GUCY2F: variants seen among roughly 807,000 people sequenced by gnomAD.
The protein encoded by GUCY2F is retinal guanylyl cyclase 2.
Under a neutral mutation model 73.1 loss-of-function variants are expected in GUCY2F, and 61 were observed. The observed-to-expected ratio is 0.83, with a 90% CI of 0.68 to 1.03. The LOEUF (loss-of-function observed/expected upper bound fraction) is 1.03, where lower values mean the gene tolerates loss of function less well. Ranked by LOEUF, GUCY2F falls within the 50% of genes least tolerant of loss-of-function variation. GUCY2F has a pLI of 0.00. For missense variants in GUCY2F, 912 were observed against 854.3 expected (o/e 1.07, Z -0.84); for synonymous variants, 331 against 307.8 (o/e 1.08, Z -0.79).
chrX:109,393,330 G>A (rs1000820481), intron 12 of GUCY2F, among the ~76,000 whole-genome samples: 2 of 98,611 alleles, frequency 2.0e-5, no homozygotes, highest in Non-Finnish European at 2.0e-5. Flanking sequence ...GTTCTGAGCC[G>A]GCTCCTTCAG....
intron 17 of GUCY2F, among the ~76,000 whole-genome samples, chrX:109,377,506 G>A (rs1234260485): frequency 8.9e-6 from 1 of 111,867 alleles, no homozygotes; most frequent in Admixed American, 9.5e-5. Context: ...AACACATGAA[G>A]CCCAACTCCT....
chrX:109,430,329 CTTGAT>C lies in GUCY2F; in HGVS notation c.1764_1768del (p.Arg590LysfsTer2), dbSNP rs1225428997. 2 of 1,103,933 alleles carry C rather than the reference CTTGAT, an allele frequency of 1.8e-6. No homozygotes were observed. The highest frequency in any genetic ancestry group is 1.8e-5 in the South Asian group (1 of 54,543). 91.0% of individuals were successfully genotyped at this position (1,103,933 alleles called of 1,213,427 possible). A position where few individuals can be genotyped will look rare whatever the true frequency, so the allele number is the denominator to read the frequency against. ...TACCATTTCGAACACATCACTTGCT[CTTGAT>C]TTGATGGACTTAAGGTCTCCAAAAT... On this transcript the variant is annotated frameshift_variant, in exon 8 of 20. Coordinates refer to ENST00000218006, the MANE Select transcript of GUCY2F (RefSeq NM_001522.3). LOFTEE classifies it high-confidence loss of function.
intron 2 of GUCY2F, among the ~76,000 whole-genome samples, chrX:109,474,238 A>T (rs1932633749): frequency 8.9e-6 from 1 of 112,295 alleles, no homozygotes; most frequent in South Asian, 3.7e-4. Context: ...TGAAGGAATC[A>T]GTTTGTCAAA....
chrX:109,452,479 T>C (rs1236778058), intron 4 of GUCY2F, among the ~76,000 whole-genome samples: 2 of 112,080 alleles, frequency 1.8e-5, no homozygotes, highest in African/African-American at 6.5e-5. Flanking sequence ...TTAAGTATTA[T>C]CTTGCCTTCA....
rs913356748 is a variant in GUCY2F, at chrX:109,463,302, A to G, written c.1032+1840T>C. 3.6e-5 allele frequency among the ~76,000 whole-genome samples: 4 copies of G among 111,377 alleles called. No homozygotes were observed. In the Admixed American group the frequency reaches 3.8e-4, roughly 11 times the overall value. ...TCCAGCAGCTATATATTTTGTTCAC[A>G]CTTTTCAATCACAGTTGTCACATTC... On this transcript the variant is annotated intron_variant, in intron 3 of 19. Coordinates refer to ENST00000218006, the MANE Select transcript of GUCY2F (RefSeq NM_001522.3).
At chrX:109,438,035 A>G (rs1444555263) in intron 7 of GUCY2F, among the ~76,000 whole-genome samples, 1 of 112,708 alleles carries the variant, frequency 8.9e-6, no homozygotes, top group Non-Finnish European at 1.9e-5. Flanking sequence ...CATAGACTGA[A>G]CAAACATACA....
chrX:109,388,771 A>C lies in GUCY2F; in HGVS notation c.2782-108T>G, dbSNP rs1930498025. The C allele has an allele frequency of 6.0e-6, 3 of 496,434 alleles. No homozygotes were observed. In the East Asian group the frequency reaches 1.0e-4, roughly 17 times the overall value. The allele number at this position is 496,434 out of a possible 1,213,427, so 40.9% of individuals were successfully genotyped here. A position where few individuals can be genotyped will look rare whatever the true frequency, so the allele number is the denominator to read the frequency against. On this transcript the variant is annotated intron_variant, in intron 14 of 19. Transcript: ENST00000218006. Reference sequence around the variant, plus strand: ...CAGGTGGTCTTGTTGTAAAGTGAGAAAGGCAGAGAGGGACTGTCAATGATC... The same window carrying C: ...CAGGTGGTCTTGTTGTAAAGTGAGACAGGCAGAGAGGGACTGTCAATGATC...
At chrX:109,416,206 A>C (rs1214194715) in intron 8 of GUCY2F, among the ~76,000 whole-genome samples, 1 of 111,373 alleles carries the variant, frequency 9.0e-6, no homozygotes, top group East Asian at 2.8e-4. Flanking sequence ...CCAGGAAAAA[A>C]AAAGGTCAAT....
chrX:109,421,721 G>A (rs778819391), intron 8 of GUCY2F, among the ~76,000 whole-genome samples: 5 of 111,304 alleles, frequency 4.5e-5, no homozygotes, highest in Non-Finnish European at 5.7e-5. Flanking sequence ...CTTAAAAATG[G>A]TTAAGATGGT....
chrX:109,409,003 C>T lies in GUCY2F; in HGVS notation c.1957G>A (p.Asp653Asn). The T allele has an allele frequency of 9.0e-7, 1 of 1,115,439 alleles. No homozygotes were observed. The highest frequency in any genetic ancestry group is 1.2e-6 in the Non-Finnish European group (1 of 809,697). The allele number at this position is 1,115,439 out of a possible 1,213,427, so 91.9% of individuals were successfully genotyped here. A position where few individuals can be genotyped will look rare whatever the true frequency, so the allele number is the denominator to read the frequency against. ...DWMFKSSLLLDLIKGMKYLHH... is the reference protein window; with the variant it reads ...DWMFKSSLLLNLIKGMKYLHH... The stretch of plus-strand genomic sequence containing the variant: ...GTCTTCCCATTAACCTTTATGAGAT[C>T]CAGCAAGAGTGATGATTTAAACATC... The change falls in exon 9 of 20, where the codon GAT becomes AAT. Residue 653 changes from aspartate (D) to asparagine (N), a missense_variant. Coordinates refer to ENST00000218006, the MANE Select transcript of GUCY2F (RefSeq NM_001522.3).
chrX:109,440,465 A>G (rs764095720), intron 7 of GUCY2F, among the ~76,000 whole-genome samples: 5 of 110,975 alleles, frequency 4.5e-5, no homozygotes, highest in Non-Finnish European at 9.4e-5. Flanking sequence ...TCAATTATTT[A>G]TCTAATGGAG....
chrX:109,402,928 G>C (rs56289863), intron 10 of GUCY2F, among the ~76,000 whole-genome samples: 9,416 of 111,523 alleles, frequency 0.084, 990 homozygotes, highest in African/African-American at 0.29. Flanking sequence ...CTCTCTCTCT[G>C]TGTGTCTTTC....
At position 109,398,599 on chromosome X, in the gene GUCY2F, T is replaced by G; in HGVS notation, c.2225A>C (p.Glu742Ala). 1 of 1,207,897 alleles carries G rather than the reference T, an allele frequency of 8.3e-7. No individual in the cohort carries two copies. The highest frequency in any genetic ancestry group is 3.0e-5 in the East Asian group (1 of 33,791). Residue 742 changes from glutamate to alanine, a missense_variant, in exon 11 of 20, where the codon GAA becomes GCA. Transcript: ENST00000218006. ...DVYSFAIIMQ[E>A]VMVRGTPFCM... ...GAATGGGGTACCCCGGACCATCACT[T>G]CTTGCATGATGATGGCAAAGCTATA...
At chrX:109,389,145 A>G (rs985716550) in intron 14 of GUCY2F, among the ~76,000 whole-genome samples, 5 of 111,911 alleles carry the variant, frequency 4.5e-5, no homozygotes, top group Non-Finnish European at 7.5e-5. Context: ...TAATACGATG[A>G]AGTTAGTTTT....
chrX:109,430,729 T>C (rs1931590461), intron 7 of GUCY2F, among the ~76,000 whole-genome samples: 1 of 112,322 alleles, frequency 8.9e-6, no homozygotes, highest in Admixed American at 9.4e-5. Flanking sequence ...AGCTAAATGA[T>C]GTAGCACCAG....
At chrX:109,435,744 G>A (rs2147270526) in intron 7 of GUCY2F, among the ~76,000 whole-genome samples, 1 of 111,691 alleles carries the variant, frequency 9.0e-6, no homozygotes, top group Non-Finnish European at 1.9e-5. Flanking sequence ...TGCCCATTCA[G>A]TATGATATTG....
At chrX:109,413,166 G>C (rs1931152218) in intron 8 of GUCY2F, among the ~76,000 whole-genome samples, 1 of 111,991 alleles carries the variant, frequency 8.9e-6, no homozygotes. Context: ...GTAACCAACA[G>C]AGAAGATCCC....
chrX:109,404,626 C>A (rs1290686831), intron 9 of GUCY2F, 142 bp from the exon 10 acceptor site: 5 of 445,477 alleles, frequency 1.1e-5, no homozygotes, highest in Non-Finnish European at 1.9e-5. Context: ...CAAAGTAAAC[C>A]TTTGACAACC....
chrX:109,395,304 A>G (rs1255596503), intron 12 of GUCY2F, 37 bp downstream of exon 12: 1 of 1,157,826 alleles, frequency 8.6e-7, no homozygotes, highest in Admixed American at 2.2e-5. Flanking sequence ...TGACTTCAGG[A>G]AGGCTCCTGG....
Sources: gnomAD v4.1 joint callset for allele counts (sites outside exome capture counted in the v4.1 genomes callset) on GRCh38, gnomAD v4.1.1 for gene constraint, MANE v1.5 for transcripts, NCBI Gene and HGNC (gene_info 2026-07-23, HGNC 2026-07-21) for gene names.